Variants in RAPGEF3 observed in about 807,000 individuals in gnomAD.
RAPGEF3 encodes the protein 9330170P05Rik.
Under a neutral mutation model 129.8 loss-of-function variants are expected in RAPGEF3, and 103 were observed. The observed-to-expected ratio is 0.79, with a 90% confidence interval of 0.68 to 0.93. The LOEUF is 0.93. Among genes scored for constraint, RAPGEF3 ranks in the 40% least tolerant of loss-of-function variants. The pLI is 0.00. For synonymous variants in RAPGEF3, 436 were observed against 482.6 expected, an observed-to-expected ratio of 0.90 and a Z score of 1.26; for missense variants, 1,117 against 1,207.4, an observed-to-expected ratio of 0.93 and a Z score of 1.11.
chr12:47,758,192 G>T (rs1208573312), intron 1 of RAPGEF3, 114 bp from the exon 2 acceptor site: 2 of 1,446,496 alleles, frequency 1.4e-6, no homozygotes, highest in East Asian at 2.5e-5. Context: ...CTGGTCAGGC[G>T]GAGGTGCTGC....
At chr12:47,751,854 G>A in intron 3 of RAPGEF3, 25 bp from the exon 4 acceptor site, 1 of 1,614,160 alleles carries the variant, frequency 6.2e-7, no homozygotes, top group Non-Finnish European at 8.5e-7. Context: ...GGGCACAGCA[G>A]TTCAGGCTCT....
chr12:47,749,339 T>A lies in RAPGEF3; in HGVS notation c.1041+51A>T. ...TCTGGTCCCTACTCCTCTCTCCACA[T>A]CACTTCTCTGGACGAATGGCCCCTG... is the stretch of plus-strand genomic sequence containing the variant. On this transcript the variant is annotated intron_variant, in intron 10 of 27. Coordinates refer to ENST00000449771, the MANE Select transcript of RAPGEF3 (RefSeq NM_001098531.4). The surrounding 1 kb of genome is among the most constrained non-coding windows in gnomAD (Gnocchi z 4.5). The A allele has an allele frequency of 6.2e-7, 1 of 1,602,922 alleles. No individual in the cohort carries two copies. The highest frequency in any genetic ancestry group is 1.1e-5 in the South Asian group (1 of 90,952).
rs1156642404 is a variant in RAPGEF3 at position 47,737,309 on chromosome 12, C to T, written c.*258G>A. On this transcript the variant is annotated 3_prime_UTR_variant, in exon 28 of 28. Transcript: ENST00000449771. ...ACGTCCCAGCGCACTCCACTCTCCACCCACTCCTGGGGCCTCTCTGTCCTC... is the reference window on the plus strand; with the variant it reads ...ACGTCCCAGCGCACTCCACTCTCCATCCACTCCTGGGGCCTCTCTGTCCTC... 7.8e-6 allele frequency: 4 copies of T among 512,004 alleles called. No homozygotes were observed. Among genetic ancestry groups the T allele is most frequent in the Admixed American group, 6.6e-5 (2 of 30,432 alleles). The allele number at this position is 512,004 out of a possible 1,614,324, so 31.7% of individuals were successfully genotyped here. A position where few individuals can be genotyped will look rare whatever the true frequency, so the allele number is the denominator to read the frequency against.
At position 47,758,568 on chromosome 12, in the gene RAPGEF3, A is replaced by T; in HGVS notation, c.-12T>A. 3.1e-6 allele frequency: 5 copies of T among 1,613,706 alleles called. No individual in the cohort carries two copies. The highest frequency in any genetic ancestry group is 4.2e-6 in the Non-Finnish European group (5 of 1,179,858). ...TTACCCACCTTCATGTTTCTTTTCA[A>T]GCTCGCACAGCCGTGCAGGCTCTAG... On this transcript the variant is annotated 5_prime_UTR_variant, in exon 1 of 28. The change creates a new upstream start codon in the 5' untranslated region. Transcript: ENST00000449771.
chr12:47,757,831 T>A, intron 2 of RAPGEF3, 35 bp downstream of exon 2: 1 of 1,528,920 alleles, frequency 6.5e-7, no homozygotes, highest in Non-Finnish European at 8.8e-7. Flanking sequence ...GCTCTGGTAC[T>A]GGCCCTGGCA....
In RAPGEF3 at chr12:47,749,136, C is replaced by A; in HGVS notation, c.1042-205G>T. 1.6e-6 allele frequency: 1 copy of A among 639,878 alleles called. No individual in the cohort carries two copies. 39.6% of individuals were successfully genotyped at this position (639,878 alleles called of 1,614,324 possible). A position where few individuals can be genotyped will look rare whatever the true frequency, so the allele number is the denominator to read the frequency against. On this transcript the variant is annotated intron_variant, in intron 10 of 27. Transcript: ENST00000449771. The surrounding 1 kb of genome is among the most constrained non-coding windows in gnomAD (Gnocchi z 4.5). ...CTCCCCCACAGCCTAGTCCCCCGCCCCCTGCATGCCCATCCTTCCCCTGGT... is the reference window on the plus strand; with the variant it reads ...CTCCCCCACAGCCTAGTCCCCCGCCACCTGCATGCCCATCCTTCCCCTGGT...
rs113762418 is a variant in RAPGEF3 at position 47,737,927 on chromosome 12, G to A, written c.2653+95C>T. 1.6e-3 allele frequency: 2,321 copies of A among 1,464,480 alleles called. 14 individuals carry two copies. In the African/African-American group the frequency reaches 0.023, roughly 14 times the overall value. The allele number at this position is 1,464,480 out of a possible 1,614,324, so 90.7% of individuals were successfully genotyped here. A position where few individuals can be genotyped will look rare whatever the true frequency, so the allele number is the denominator to read the frequency against. On this transcript the variant is annotated intron_variant, in intron 27 of 27. Transcript: ENST00000449771. ...ATCATGTATGGAAGGGCCGGGCTCC[G>A]TGCCTGGCACATGGCAAGTGCCTAG... is the stretch of plus-strand genomic sequence containing the variant.
Position 47,738,263 on chromosome 12 carries a change from G to A in RAPGEF3, c.2527-16C>T, listed in dbSNP as rs1276763479. 6.2e-7 allele frequency: 1 copy of A among 1,612,796 alleles called. No individual in the cohort carries two copies. Among genetic ancestry groups the A allele is most frequent in the Non-Finnish European group, 8.5e-7 (1 of 1,179,884 alleles). On this transcript the variant is annotated splice_polypyrimidine_tract_variant and intron_variant, in intron 25 of 27. Coordinates refer to ENST00000449771, the MANE Select transcript of RAPGEF3 (RefSeq NM_001098531.4). The stretch of plus-strand genomic sequence containing the variant: ...CCATCATTCTCTGCGGACAACACCG[G>A]GGCATAAGCTCTTGCCTGAGGGAGA...
intron 23 of RAPGEF3, chr12:47,739,922 G>T: frequency 3.3e-6 from 2 of 608,152 alleles, no homozygotes; most frequent in Non-Finnish European, 5.9e-6. Context: ...GGGCCAGGAT[G>T]CACCGTGCAA....
chr12:47,742,476 C>G (rs751468891), intron 18 of RAPGEF3, among the ~76,000 whole-genome samples: 6 of 152,172 alleles, frequency 3.9e-5, no homozygotes, highest in South Asian at 2.1e-4. Flanking sequence ...AGGGAGAAGG[C>G]TTTTCTTTTC....
chr12:47,750,021 G>T, intron 7 of RAPGEF3, 31 bp from the exon 8 acceptor site: 2 of 1,613,668 alleles, frequency 1.2e-6, no homozygotes, highest in South Asian at 1.1e-5. Flanking sequence ...AGTCGGTGGC[G>T]ACAAGTTCAT....
chr12:47,738,106 G>A lies in RAPGEF3; in HGVS notation c.2582-13C>T. ...GGTGAGAGAGGCACTGCGGGGGTGG[G>A]GAGGGGTCATGGAGTCAGGGCCACC... On this transcript the variant is annotated splice_polypyrimidine_tract_variant and intron_variant, in intron 26 of 27. Transcript: ENST00000449771. 26 of 1,614,114 alleles carry A rather than the reference G, an allele frequency of 1.6e-5. No homozygotes were observed. The highest frequency in any genetic ancestry group is 2.2e-5 in the Non-Finnish European group (26 of 1,180,010).
intron 25 of RAPGEF3, among the ~76,000 whole-genome samples, chr12:47,738,483 G>A (rs1466642097): frequency 6.6e-6 from 1 of 152,210 alleles, no homozygotes. Flanking sequence ...GGCTGGAAGG[G>A]CTCTCGTTGA....
At chr12:47,739,783 C>A (rs142759231) in intron 23 of RAPGEF3, 1 of 411,652 alleles carries the variant, frequency 2.4e-6, no homozygotes, top group Non-Finnish European at 4.5e-6. Flanking sequence ...TGCACACAGG[C>A]GCTCCATGCC....
intron 5 of RAPGEF3, 77 bp downstream of exon 5, chr12:47,751,322 C>G: frequency 5.6e-6 from 9 of 1,592,966 alleles, no homozygotes; most frequent in Non-Finnish European, 7.7e-6. Flanking sequence ...GTAGTGCCTG[C>G]TTCCCAGGAC....
At chr12:47,756,253 C>T (rs559416332) in intron 2 of RAPGEF3, 4 of 152,348 alleles carry the variant, frequency 2.6e-5, no homozygotes, top group East Asian at 1.9e-4. Context: ...CCAGGAGATC[C>T]TCCAGTGACC....
chr12:47,756,173 A>C (rs1942040136), intron 2 of RAPGEF3: 1 of 151,974 alleles, frequency 6.6e-6, no homozygotes, highest in African/African-American at 2.4e-5. Flanking sequence ...CCAGCCCTTC[A>C]TTTCTGGGGG....
intron 15 of RAPGEF3, 39 bp downstream of exon 15, chr12:47,747,505 A>G: frequency 5.0e-6 from 8 of 1,598,086 alleles, no homozygotes; most frequent in Non-Finnish European, 6.9e-6. Context: ...TGGCACTGCC[A>G]GTTATGGAAA....
At chr12:47,747,689 C>T (rs58809255) in intron 14 of RAPGEF3, 23 bp downstream of exon 14, 158,593 of 1,611,220 alleles carry the variant, frequency 0.098, 8,624 homozygotes, top group African/African-American at 0.17. Flanking sequence ...AGCCCAGCCC[C>T]GCTGTGCCTC....
Sources: allele counts gnomAD v4.1 joint callset (sites outside exome capture counted in the v4.1 genomes callset), GRCh38; gene constraint gnomAD v4.1.1; non-coding constraint Gnocchi (gnomAD v3.1); transcripts MANE v1.5; gene names NCBI Gene and HGNC (gene_info 2026-07-23, HGNC 2026-07-21).